The following RANBP2 variants were observed in gnomAD, a reference collection of about 807,000 sequenced individuals.
RANBP2 encodes the protein E3 SUMO-protein ligase RanBP2.
A neutral mutation model predicts 303.6 loss-of-function variants in RANBP2; 57 were observed. That is an observed-to-expected ratio of 0.19 (90% CI 0.15 to 0.23). RANBP2 has a LOEUF of 0.23. Among genes scored for constraint, RANBP2 ranks in the 10% least tolerant of loss-of-function variants. RANBP2 has a pLI of 1.00. For synonymous variants in RANBP2, 1,167 were observed against 1,301.5 expected, an observed-to-expected ratio of 0.90 and a Z score of 2.23; for missense variants, 3,138 against 3,780.8, an observed-to-expected ratio of 0.83 and a Z score of 4.46.
At chr2:109,330,420 CCTTAGTCATG>C in the RANBP2 span, among the ~76,000 whole-genome samples, 4 of 151,940 alleles carry the variant, frequency 2.6e-5, no homozygotes, top group African/African-American at 4.8e-5. Context: ...GTTGATTATT[CCTTAGTCATG>C]TATATTCGAT....
At chr2:109,591,792 G>A in the RANBP2 span, among the ~76,000 whole-genome samples, 1 of 152,064 alleles carries the variant, frequency 6.6e-6, no homozygotes, top group Admixed American at 6.6e-5. Flanking sequence ...TAGCTATTTG[G>A]GGGGCTGAGG....
At chr2:109,651,982 C>T in the RANBP2 span, among the ~76,000 whole-genome samples, 2 of 152,216 alleles carry the variant, frequency 1.3e-5, no homozygotes, top group Non-Finnish European at 2.9e-5. Flanking sequence ...CCAGCTATTA[C>T]CCCTGCTGAC....
At chr2:109,312,990 T>C in the RANBP2 span, among the ~76,000 whole-genome samples, 46,874 of 152,014 alleles carry the variant, frequency 0.31, 8,871 homozygotes, top group African/African-American at 0.54. Context: ...TCTACAGTAA[T>C]GCGGAAGAAG....
At chr2:109,361,619 A>G in the RANBP2 span, among the ~76,000 whole-genome samples, 1 of 152,086 alleles carries the variant, frequency 6.6e-6, no homozygotes, top group Non-Finnish European at 1.5e-5. Flanking sequence ...GACTACAGGC[A>G]TACGCCACCA....
the RANBP2 span, among the ~76,000 whole-genome samples, chr2:109,061,122 A>G: frequency 0.025 from 3,765 of 152,034 alleles, 153 homozygotes; most frequent in African/African-American, 0.085. Context: ...TATAGGATGT[A>G]AAGTTTGTAG....
the RANBP2 span, among the ~76,000 whole-genome samples, chr2:109,627,332 G>A: frequency 1.3e-5 from 2 of 152,160 alleles, no homozygotes; most frequent in African/African-American, 4.8e-5. Context: ...AAGTAGCTGA[G>A]ATTATAGGCA....
the RANBP2 span, among the ~76,000 whole-genome samples, chr2:109,487,363 A>G: frequency 5.9e-3 from 905 of 152,140 alleles, 8 homozygotes; most frequent in African/African-American, 0.021. Context: ...TAGACCGTCT[A>G]CCTCCATATT....
At chr2:109,614,829 G>C in the RANBP2 span, 1 of 1,428,784 alleles carries the variant, frequency 7.0e-7, no homozygotes, top group African/African-American at 1.5e-5. Flanking sequence ...CGGGCCCGAG[G>C]CGCGCGATCG....
chr2:109,088,837 A>G, the RANBP2 span, among the ~76,000 whole-genome samples: 1 of 152,222 alleles, frequency 6.6e-6, no homozygotes, highest in East Asian at 1.9e-4. Context: ...AAAAGAAAAA[A>G]TAAAAGTAAT....
chr2:109,046,994 G>A, the RANBP2 span, among the ~76,000 whole-genome samples: 6 of 151,788 alleles, frequency 4.0e-5, no homozygotes, highest in Admixed American at 2.0e-4. Context: ...GGCTGCACCC[G>A]GCCTGCCCTG....
the RANBP2 span, among the ~76,000 whole-genome samples, chr2:109,097,460 C>G: frequency 5.9e-4 from 90 of 151,888 alleles, no homozygotes; most frequent in Admixed American, 1.8e-3. Context: ...AAAAAAAAAT[C>G]TGCTTATTCT....
chr2:109,206,090 C>T, the RANBP2 span, among the ~76,000 whole-genome samples: 1 of 152,110 alleles, frequency 6.6e-6, no homozygotes, highest in African/African-American at 2.4e-5. Context: ...ATGACCTGCA[C>T]GTGAATGGAT....
the RANBP2 span, among the ~76,000 whole-genome samples, chr2:109,198,766 C>G: frequency 6.6e-6 from 1 of 152,204 alleles, no homozygotes; most frequent in African/African-American, 2.4e-5. Context: ...GGCCTCACCT[C>G]CTGATACCAA....
the RANBP2 span, among the ~76,000 whole-genome samples, chr2:109,500,207 T>G: frequency 6.6e-6 from 1 of 152,040 alleles, no homozygotes; most frequent in Non-Finnish European, 1.5e-5. Flanking sequence ...GCTATGTTAG[T>G]GGTTGTTCAA....
chr2:109,057,209 C>G, the RANBP2 span, among the ~76,000 whole-genome samples: 1 of 151,904 alleles, frequency 6.6e-6, no homozygotes, highest in Admixed American at 6.5e-5. Flanking sequence ...TCTTAATCTT[C>G]AGTGTCCCCC....
At chr2:108,979,436 TTCTC>T in the RANBP2 span, among the ~76,000 whole-genome samples, 2 of 60,430 alleles carry the variant, frequency 3.3e-5, no homozygotes, top group East Asian at 2.2e-4. Context: ...CTCTCTCTCT[TTCTC>T]TCTCTCTGTC....
At chr2:109,686,354 G>A in the RANBP2 span, among the ~76,000 whole-genome samples, 2 of 152,064 alleles carry the variant, frequency 1.3e-5, no homozygotes, top group Admixed American at 6.6e-5. Flanking sequence ...TTACTCTGCC[G>A]CCCAGGCTGG....
chr2:109,395,236 A>G, the RANBP2 span, among the ~76,000 whole-genome samples: 1 of 152,214 alleles, frequency 6.6e-6, no homozygotes, highest in Admixed American at 6.5e-5. Context: ...ATGACTCCTC[A>G]GTCCCATGTG....
At chr2:108,853,890 AG>A in the RANBP2 span, among the ~76,000 whole-genome samples, 4 of 123,898 alleles carry the variant, frequency 3.2e-5, no homozygotes, top group African/African-American at 9.6e-5. Flanking sequence ...TATATTATAT[AG>A]TATATATATT....
Sources: gnomAD v4.1 joint callset for allele counts (sites outside exome capture counted in the v4.1 genomes callset) on GRCh38, gnomAD v4.1.1 for gene constraint, MANE v1.5 for transcripts, NCBI Gene and HGNC (gene_info 2026-07-23, HGNC 2026-07-21) for gene names.